Variants in BTBD10 observed in about 807,000 individuals in gnomAD.
BTBD10 encodes BTB/POZ domain-containing protein 10.
Under a neutral mutation model 53.2 loss-of-function variants are expected in BTBD10, and 21 were observed. The observed-to-expected ratio is 0.39, with a 90% CI of 0.28 to 0.57. The LOEUF (loss-of-function observed/expected upper bound fraction) is 0.57, where lower values mean the gene tolerates loss of function less well. Ranked by LOEUF, BTBD10 falls within the 20% of genes least tolerant of loss-of-function variation. The pLI is 0.53. For synonymous variants in BTBD10, 149 were observed against 192.7 expected (o/e 0.77, Z 1.88); for missense variants, 360 against 594.7 (o/e 0.61, Z 4.10).
chr11:13,414,516 T>C (rs1258770878), intron 5 of BTBD10, among the ~76,000 whole-genome samples: 2 of 152,096 alleles, frequency 1.3e-5, no homozygotes, highest in East Asian at 1.9e-4. Context: ...TAGCCGGGTG[T>C]GGTGGCAGGC....
In BTBD10 at chr11:13,445,066, C is replaced by T. The variant is rs369276085; in HGVS notation, c.59G>A (p.Arg20Gln). ...TTTACGAGGTCTACTATGCAATTTC[C>T]GATCCCAATTCTCTGGATCACTGGA... is the stretch of plus-strand genomic sequence containing the variant. Reference protein sequence around the residue: ...GNSSDPENWDRKLHSRPRKLY... With the variant: ...GNSSDPENWDQKLHSRPRKLY... The change falls in exon 2 of 9, where the codon CGG becomes CAG. Residue 20 changes from arginine to glutamine, a missense_variant. Arg to Gln is a conservative substitution (Grantham distance 43). Around this residue, in one of 6 missense-constraint regions of BTBD10, gnomAD observed 81 missense variants for 82.6 expected, o/e 0.98. Transcript: ENST00000278174. The T allele has an allele frequency of 8.7e-6, 14 of 1,613,052 alleles. No individual in the cohort carries two copies. The highest frequency in any genetic ancestry group is 3.3e-5 in the South Asian group (3 of 91,066).
At chr11:13,396,334 T>C (rs1949551151) in intron 8 of BTBD10, among the ~76,000 whole-genome samples, 1 of 152,214 alleles carries the variant, frequency 6.6e-6, no homozygotes, top group African/African-American at 2.4e-5. Context: ...GATTTGGCTC[T>C]CTGTTTGTCT....
chr11:13,404,575 C>T (rs776306068), intron 7 of BTBD10: 24 of 973,160 alleles, frequency 2.5e-5, no homozygotes, highest in Non-Finnish European at 2.8e-5. Context: ...TTATTTTTGA[C>T]AACCTTTCAC....
intron 7 of BTBD10, 133 bp downstream of exon 7, chr11:13,405,525 TA>T: frequency 1.0e-6 from 1 of 957,770 alleles, no homozygotes; most frequent in Non-Finnish European, 1.5e-6. Context: ...AGGCAATACA[TA>T]AAACTTAATT....
intron 2 of BTBD10, among the ~76,000 whole-genome samples, chr11:13,427,949 T>C (rs774976523): frequency 2.0e-5 from 3 of 151,806 alleles, no homozygotes; most frequent in African/African-American, 4.8e-5. Context: ...AACCCCAAGA[T>C]ACCATAATTT....
chr11:13,458,292 ATATG>A (rs147302961), intron 1 of BTBD10, among the ~76,000 whole-genome samples: 22,837 of 152,054 alleles, frequency 0.15, 1,957 homozygotes, highest in Admixed American at 0.24. Context: ...ACAGCTGTAT[ATATG>A]TATATTTATA....
chr11:13,415,416 T>C (rs1950079236), intron 5 of BTBD10, among the ~76,000 whole-genome samples: 1 of 152,176 alleles, frequency 6.6e-6, no homozygotes, highest in Admixed American at 6.5e-5. Context: ...TTTCTTGTGA[T>C]TATCTACAGG....
chr11:13,421,700 C>T lies in BTBD10; in HGVS notation c.240G>A (p.Glu80=). 6.2e-7 allele frequency: 1 copy of T among 1,614,108 alleles called. No homozygotes were observed. Among genetic ancestry groups the T allele is most frequent in the Non-Finnish European group, 8.5e-7 (1 of 1,180,012 alleles). ...RSRDSSHERT[E]SQLTPCIRNV... is the part of the protein sequence containing the mutation. ...TTCTAATACAAGGAGTGAGCTGAGA[C>T]TCCGTTCTTTCATGAGATGAATCTC... is the stretch of plus-strand genomic sequence containing the variant. The change falls in exon 3 of 9, where the codon GAG becomes GAA. Residue 80 remains glutamate (E), a synonymous_variant. Coordinates refer to ENST00000278174, the MANE Select transcript of BTBD10 (RefSeq NM_032320.7).
intron 1 of BTBD10, among the ~76,000 whole-genome samples, chr11:13,461,930 CTT>C (rs564388278): frequency 4.6e-4 from 63 of 135,948 alleles, no homozygotes; most frequent in African/African-American, 4.6e-4. Context: ...TCTTCTCACA[CTT>C]TTTTTTTTTT....
chr11:13,423,095 G>C (rs1402961093), intron 2 of BTBD10, among the ~76,000 whole-genome samples: 1 of 152,152 alleles, frequency 6.6e-6, no homozygotes, highest in Non-Finnish European at 1.5e-5. Context: ...TGTATCACTA[G>C]TGTCCAGGCC....
intron 1 of BTBD10, among the ~76,000 whole-genome samples, chr11:13,445,543 C>G (rs1460200130): frequency 1.3e-5 from 2 of 152,272 alleles, no homozygotes; most frequent in East Asian, 1.9e-4. Context: ...CACAATTTCA[C>G]TTGGAACATA....
At chr11:13,425,417 C>T (rs1345835625) in intron 2 of BTBD10, among the ~76,000 whole-genome samples, 1 of 151,986 alleles carries the variant, frequency 6.6e-6, no homozygotes, top group Non-Finnish European at 1.5e-5. Flanking sequence ...CAATGTATGG[C>T]ATCCAATCAA....
intron 8 of BTBD10, among the ~76,000 whole-genome samples, chr11:13,393,574 GA>G (rs1949461421): frequency 6.6e-6 from 1 of 151,936 alleles, no homozygotes; most frequent in African/African-American, 2.4e-5. Context: ...GACTTGAAAA[GA>G]AAATACGGCT....
intron 2 of BTBD10, among the ~76,000 whole-genome samples, chr11:13,443,733 G>A (rs1950705169): frequency 6.6e-6 from 1 of 151,920 alleles, no homozygotes; most frequent in Admixed American, 6.6e-5. Flanking sequence ...ACAGGTGCAT[G>A]CCACCATTCC....
rs556403376 is a variant in BTBD10, at chr11:13,451,023, CAGCTCA to C, written c.-57-5848_-57-5843del. Among the ~76,000 whole-genome samples, 167 of 152,212 alleles carry C rather than the reference CAGCTCA, an allele frequency of 1.1e-3. 1 individual carries two copies. Among genetic ancestry groups the C allele is most frequent in the African/African-American group, 3.7e-3 (155 of 41,536 alleles). On this transcript the variant is annotated intron_variant, in intron 1 of 8. Transcript: ENST00000278174. ...TGGTGAAGGAAACCAGGCAGCCACA[CAGCTCA>C]AAGTGGCAGAGAAAACCTCAGAGCT...
chr11:13,421,251 T>C (rs1950236904), intron 3 of BTBD10, among the ~76,000 whole-genome samples: 1 of 152,186 alleles, frequency 6.6e-6, no homozygotes, highest in African/African-American at 2.4e-5. Flanking sequence ...TCAGAATAAA[T>C]AACATGATGG....
At chr11:13,462,243 T>C (rs1390874810) in intron 1 of BTBD10, among the ~76,000 whole-genome samples, 1 of 152,180 alleles carries the variant, frequency 6.6e-6, no homozygotes, top group South Asian at 2.1e-4. Flanking sequence ...AACTCAGTTG[T>C]CCAAATACAA....
intron 2 of BTBD10, chr11:13,440,090 CT>C (rs1950617816): frequency 2.0e-6 from 3 of 1,521,920 alleles, no homozygotes; most frequent in Non-Finnish European, 2.6e-6. Context: ...CAGTCTCCCC[CT>C]ACCTCACCTG....
intron 3 of BTBD10, among the ~76,000 whole-genome samples, chr11:13,420,242 C>A (rs1308149305): frequency 1.3e-5 from 2 of 151,634 alleles, no homozygotes; most frequent in African/African-American, 4.8e-5. Flanking sequence ...CTAAAACCAG[C>A]AATTTATCTC....
Sources: gnomAD v4.1 joint callset for allele counts (sites outside exome capture counted in the v4.1 genomes callset) on GRCh38, gnomAD v4.1.1 for gene constraint, gnomAD v4.1.1 regional missense constraint, MANE v1.5 for transcripts, NCBI Gene and HGNC (gene_info 2026-07-23, HGNC 2026-07-21) for gene names.